NOVA1: variants seen among roughly 807,000 people sequenced by gnomAD.
NOVA1 encodes the protein RNA-binding protein Nova-1.
Under a neutral mutation model 38.0 loss-of-function variants are expected in NOVA1, and 7 were observed. That is an observed-to-expected ratio of 0.18 (90% CI 0.10 to 0.35). The LOEUF is 0.35. NOVA1 is among the 10% of genes least tolerant of loss of function. The probability of loss-of-function intolerance (pLI) is 1.00; values close to 1 mark genes in which losing one functional copy is unlikely to be tolerated. For synonymous variants in NOVA1, 270 were observed against 232.5 expected, an observed-to-expected ratio of 1.16 and a Z score of -1.47; for missense variants, 460 against 616.0, an observed-to-expected ratio of 0.75 and a Z score of 2.68.
chr14:26,450,980 TAAAA>T (rs1882620094), intron 4 of NOVA1, among the ~76,000 whole-genome samples: 1 of 152,168 alleles, frequency 6.6e-6, no homozygotes, highest in African/African-American at 2.4e-5. Context: ...CCAAGACTTT[TAAAA>T]GAGCTAGTCT....
At chr14:26,520,280 T>C (rs1888772419) in intron 2 of NOVA1, among the ~76,000 whole-genome samples, 1 of 152,150 alleles carries the variant, frequency 6.6e-6, no homozygotes, top group Non-Finnish European at 1.5e-5. Flanking sequence ...AAAACCCATA[T>C]ATGGAGGGCC....
chr14:26,470,032 G>A (rs958219375), intron 4 of NOVA1: 14 of 274,476 alleles, frequency 5.1e-5, no homozygotes, highest in African/African-American at 2.7e-4. Context: ...AGTAAAATTC[G>A]GTATGTACTG....
chr14:26,458,598 T>G (rs1363388079), intron 4 of NOVA1, among the ~76,000 whole-genome samples: 1 of 152,026 alleles, frequency 6.6e-6, no homozygotes, highest in Non-Finnish European at 1.5e-5. Context: ...TTCTCCCTTA[T>G]GAGAGGGAAC....
At chr14:26,554,591 T>C (rs178168) in intron 2 of NOVA1, among the ~76,000 whole-genome samples, 1 of 151,922 alleles carries the variant, frequency 6.6e-6, no homozygotes, top group African/African-American at 2.4e-5. Context: ...CATCTTGAGA[T>C]GAGTAAAAGA....
chr14:26,528,806 GTCT>G (rs938292908), intron 2 of NOVA1, among the ~76,000 whole-genome samples: 21 of 152,218 alleles, frequency 1.4e-4, no homozygotes, highest in Admixed American at 4.6e-4. Context: ...GTGCCCTGTG[GTCT>G]TCTTCTAATA....
intron 2 of NOVA1, among the ~76,000 whole-genome samples, chr14:26,558,011 G>A (rs1891598833): frequency 6.6e-6 from 1 of 151,374 alleles, no homozygotes; most frequent in South Asian, 2.1e-4. Flanking sequence ...AAAAAAAAAG[G>A]TCAATCTAAA....
At chr14:26,582,579 T>A (rs763798698) in intron 2 of NOVA1, among the ~76,000 whole-genome samples, 9 of 151,792 alleles carry the variant, frequency 5.9e-5, no homozygotes, top group Admixed American at 1.3e-4. Context: ...ACTAAACCAT[T>A]GCTGGCAATA....
At chr14:26,545,604 T>C (rs960438042) in intron 2 of NOVA1, among the ~76,000 whole-genome samples, 2 of 152,158 alleles carry the variant, frequency 1.3e-5, no homozygotes, top group African/African-American at 4.8e-5. Context: ...CTCATTTTCA[T>C]ACACTGCACA....
chr14:26,528,579 C>A (rs992867422), intron 2 of NOVA1, among the ~76,000 whole-genome samples: 2 of 152,008 alleles, frequency 1.3e-5, no homozygotes, highest in Non-Finnish European at 2.9e-5. Flanking sequence ...ACCTTAGACA[C>A]CGGCACACCC....
chr14:26,566,201 A>G (rs1892127305), intron 2 of NOVA1, among the ~76,000 whole-genome samples: 1 of 152,182 alleles, frequency 6.6e-6, no homozygotes, highest in South Asian at 2.1e-4. Flanking sequence ...GATATCGTAC[A>G]TAACACCAGT....
At chr14:26,519,752 AC>A (rs1474966849) in intron 2 of NOVA1, among the ~76,000 whole-genome samples, 1 of 152,132 alleles carries the variant, frequency 6.6e-6, no homozygotes, top group Non-Finnish European at 1.5e-5. Context: ...ACTGGGAAAA[AC>A]AAAAGCTGCA....
intron 2 of NOVA1, among the ~76,000 whole-genome samples, chr14:26,517,223 T>C (rs918185998): frequency 1.3e-5 from 2 of 152,084 alleles, no homozygotes; most frequent in African/African-American, 4.8e-5. Flanking sequence ...CTCTTAATAC[T>C]CTTCCCTTGC....
intron 2 of NOVA1, among the ~76,000 whole-genome samples, chr14:26,481,229 A>T (rs1048218479): frequency 2.0e-5 from 3 of 152,072 alleles, no homozygotes; most frequent in Non-Finnish European, 4.4e-5. Context: ...TTTATAAAAG[A>T]GTTTTTGAAT....
At chr14:26,454,771 G>C (rs1235882249) in intron 4 of NOVA1, among the ~76,000 whole-genome samples, 1 of 151,892 alleles carries the variant, frequency 6.6e-6, no homozygotes, top group Non-Finnish European at 1.5e-5. Flanking sequence ...TCATAGTTCT[G>C]GTAAGGAAAG....
At chr14:26,489,309 T>G (rs1477277792) in intron 2 of NOVA1, among the ~76,000 whole-genome samples, 1 of 152,066 alleles carries the variant, frequency 6.6e-6, no homozygotes, top group East Asian at 1.9e-4. Context: ...TTGTTGAAAT[T>G]TCAAGGACTG....
chr14:26,580,627 G>A (rs990160397), intron 2 of NOVA1, among the ~76,000 whole-genome samples: 12 of 151,680 alleles, frequency 7.9e-5, no homozygotes, highest in South Asian at 2.1e-4. Context: ...GGTGGTTTGC[G>A]GAAAACTCAT....
chr14:26,472,778 C>T (rs535459646), intron 3 of NOVA1, among the ~76,000 whole-genome samples: 1 of 151,696 alleles, frequency 6.6e-6, no homozygotes, highest in South Asian at 2.1e-4. Context: ...AGTCACTTTC[C>T]TATCGATGAA....
intron 2 of NOVA1, among the ~76,000 whole-genome samples, chr14:26,565,876 A>C (rs934485226): frequency 3.3e-5 from 5 of 152,286 alleles, no homozygotes; most frequent in African/African-American, 9.6e-5. Context: ...AATACTTTAC[A>C]AAATGGGCTT....
chr14:26,497,250 G>C (rs1886887464), intron 2 of NOVA1, among the ~76,000 whole-genome samples: 1 of 152,032 alleles, frequency 6.6e-6, no homozygotes. Flanking sequence ...GGACGTGAAG[G>C]ACCTCTTCAA....
Sources: allele counts gnomAD v4.1 joint callset (sites outside exome capture counted in the v4.1 genomes callset), GRCh38; gene constraint gnomAD v4.1.1; transcripts MANE v1.5; gene names NCBI Gene and HGNC (gene_info 2026-07-23, HGNC 2026-07-21).